MYO16: variants seen among roughly 807,000 people sequenced by gnomAD.
MYO16 encodes the protein myosin XVI.
MYO16 carries 94 observed loss-of-function variants against 205.3 expected under a neutral mutation model. The ratio of observed to expected loss-of-function variants is 0.46; its 90% CI spans 0.39 to 0.54. MYO16 has a LOEUF of 0.54. Among genes scored for constraint, MYO16 ranks in the 20% least tolerant of loss-of-function variants. The probability of loss-of-function intolerance (pLI) is 0.00; values close to 1 mark genes in which losing one functional copy is unlikely to be tolerated. For missense variants in MYO16, 2,315 were observed against 2,387.5 expected (o/e 0.97, Z 0.63); for synonymous variants, 988 against 954.0 (o/e 1.04, Z -0.66).
chr13:108,941,863 T>C (rs1230857300), intron 16 of MYO16, among the ~76,000 whole-genome samples: 1 of 152,148 alleles, frequency 6.6e-6, no homozygotes, highest in East Asian at 1.9e-4. Context: ...GCAATGAAAG[T>C]TCAAATTAAT....
chr13:109,095,075 C>T (rs1341738848), intron 27 of MYO16, among the ~76,000 whole-genome samples: 1 of 152,208 alleles, frequency 6.6e-6, no homozygotes, highest in Non-Finnish European at 1.5e-5. Context: ...AAGTGAACCA[C>T]AAACCCTGAT....
At chr13:108,845,998 C>G (rs1040040675) in intron 10 of MYO16, among the ~76,000 whole-genome samples, 25 of 152,066 alleles carry the variant, frequency 1.6e-4, no homozygotes, top group African/African-American at 6.0e-4. Context: ...TGTGAGCCAC[C>G]ACACCTGGCA....
chr13:108,927,318 T>C (rs1882054384), intron 16 of MYO16, among the ~76,000 whole-genome samples: 1 of 152,178 alleles, frequency 6.6e-6, no homozygotes, highest in Non-Finnish European at 1.5e-5. Context: ...ACAAGGATGA[T>C]CTTTCTAAAT....
At chr13:108,616,612 C>T (rs1392507900) in intron 1 of MYO16, among the ~76,000 whole-genome samples, 6 of 152,106 alleles carry the variant, frequency 3.9e-5, no homozygotes, top group Admixed American at 2.6e-4. Context: ...TTGAAATGTG[C>T]TCCTAGGGAA....
At chr13:108,946,131 T>G (rs1882930196) in intron 16 of MYO16, among the ~76,000 whole-genome samples, 2 of 152,220 alleles carry the variant, frequency 1.3e-5, no homozygotes, top group Non-Finnish European at 2.9e-5. Context: ...TATTTTATTG[T>G]ATCTCCATCC....
intron 22 of MYO16, among the ~76,000 whole-genome samples, chr13:109,018,989 AG>A (rs1312308075): frequency 7.6e-6 from 1 of 131,000 alleles, no homozygotes; most frequent in Non-Finnish European, 1.6e-5. Flanking sequence ...TTTTTTTTTG[AG>A]GCAGGGTTGC....
At chr13:108,736,851 C>T (rs1383435458) in intron 4 of MYO16, among the ~76,000 whole-genome samples, 1 of 152,138 alleles carries the variant, frequency 6.6e-6, no homozygotes, top group Non-Finnish European at 1.5e-5. Context: ...TGAAGAGATC[C>T]TTCACATCCC....
At chr13:109,072,020 A>G (rs1887939113) in intron 27 of MYO16, among the ~76,000 whole-genome samples, 1 of 152,208 alleles carries the variant, frequency 6.6e-6, no homozygotes, top group East Asian at 1.9e-4. Context: ...TATGCTGCCA[A>G]TAAAGCATAC....
chr13:109,200,915 G>A (rs1472805336), intron 34 of MYO16, among the ~76,000 whole-genome samples: 2 of 152,098 alleles, frequency 1.3e-5, no homozygotes, highest in Non-Finnish European at 2.9e-5. Context: ...TGGAGTGGAT[G>A]TATTTTGTGC....
At chr13:108,728,786 C>T (rs1168929925) in intron 4 of MYO16, among the ~76,000 whole-genome samples, 1 of 147,044 alleles carries the variant, frequency 6.8e-6, no homozygotes, top group African/African-American at 2.5e-5. Flanking sequence ...AATAAGATCG[C>T]ATCTACACTA....
chr13:108,932,665 A>G (rs1882309031), intron 16 of MYO16, among the ~76,000 whole-genome samples: 1 of 152,122 alleles, frequency 6.6e-6, no homozygotes, highest in Non-Finnish European at 1.5e-5. Flanking sequence ...TCTACCCAAG[A>G]TAAGTTTCCT....
At chr13:108,650,581 A>T (rs1479162499) in intron 1 of MYO16, among the ~76,000 whole-genome samples, 2 of 152,232 alleles carry the variant, frequency 1.3e-5, no homozygotes, top group Non-Finnish European at 2.9e-5. Context: ...GGGTTCAAAA[A>T]TGTATATTTA....
intron 13 of MYO16, among the ~76,000 whole-genome samples, chr13:108,887,848 G>A (rs759332850): frequency 6.6e-6 from 1 of 152,092 alleles, no homozygotes; most frequent in Non-Finnish European, 1.5e-5. Flanking sequence ...AGATGTCACA[G>A]CTTTTCCACA....
chr13:109,155,231 G>A (rs1038835007), intron 32 of MYO16, among the ~76,000 whole-genome samples: 2 of 151,976 alleles, frequency 1.3e-5, no homozygotes, highest in African/African-American at 2.4e-5. Context: ...TCGACTTGGC[G>A]GGGGGGTGGG....
intron 34 of MYO16, among the ~76,000 whole-genome samples, chr13:109,181,416 T>C (rs1879444607): frequency 6.6e-6 from 1 of 152,230 alleles, no homozygotes; most frequent in Admixed American, 6.5e-5. Flanking sequence ...ACAAGAAGTA[T>C]GGACACATGC....
At chr13:109,113,828 T>C (rs1594097041) in intron 28 of MYO16, among the ~76,000 whole-genome samples, 1 of 152,274 alleles carries the variant, frequency 6.6e-6, no homozygotes, top group African/African-American at 2.4e-5. Flanking sequence ...CCCAGGTAGA[T>C]GGTCCTTTTG....
intron 22 of MYO16, among the ~76,000 whole-genome samples, chr13:109,016,518 T>A (rs1885823319): frequency 6.6e-6 from 1 of 152,180 alleles, no homozygotes; most frequent in African/African-American, 2.4e-5. Context: ...TGGATATCCT[T>A]GTTAACTTTC....
chr13:108,611,197 A>G (rs1481133585), intron 1 of MYO16, among the ~76,000 whole-genome samples: 1 of 152,150 alleles, frequency 6.6e-6, no homozygotes, highest in Non-Finnish European at 1.5e-5. Flanking sequence ...TAAAGAGACA[A>G]TGGCATAGTA....
At chr13:108,570,396 G>C in the MYO16 span, among the ~76,000 whole-genome samples, 1 of 152,170 alleles carries the variant, frequency 6.6e-6, no homozygotes, top group African/African-American at 2.4e-5. Context: ...CTACAAGTGT[G>C]CACCACCATA....
Sources: allele counts gnomAD v4.1 joint callset (sites outside exome capture counted in the v4.1 genomes callset), GRCh38; gene constraint gnomAD v4.1.1; transcripts MANE v1.5; gene names NCBI Gene and HGNC (gene_info 2026-07-23, HGNC 2026-07-21).